Variants in ZC3H12D observed in about 807,000 individuals in gnomAD.
ZC3H12D encodes the protein zinc finger CCCH-type containing 12D.
In ZC3H12D, 11 loss-of-function variants were observed where a neutral mutation model predicts 24.2. The ratio of observed to expected loss-of-function variants is 0.46; its 90% CI spans 0.29 to 0.75. The LOEUF (loss-of-function observed/expected upper bound fraction) is 0.75, where lower values mean the gene tolerates loss of function less well. ZC3H12D is among the 30% of genes least tolerant of loss of function. The probability of loss-of-function intolerance (pLI) is 0.11; values close to 1 mark genes in which losing one functional copy is unlikely to be tolerated. For synonymous variants in ZC3H12D, 333 were observed against 341.8 expected (o/e 0.97, Z 0.28); for missense variants, 740 against 767.7 (o/e 0.96, Z 0.43).
chr6:149,482,719 C>T (rs867079088), intron 1 of ZC3H12D, among the ~76,000 whole-genome samples: 2 of 152,154 alleles, frequency 1.3e-5, no homozygotes, highest in South Asian at 2.1e-4. Context: ...AAGGAGTAGG[C>T]GGAGACGTGG....
chr6:149,461,305 C>A (rs1776068285), intron 3 of ZC3H12D, among the ~76,000 whole-genome samples: 1 of 149,662 alleles, frequency 6.7e-6, no homozygotes. Flanking sequence ...CATGCCACTG[C>A]ACTCCAGCTT....
intron 3 of ZC3H12D, chr6:149,459,556 A>G (rs1776039062): frequency 4.2e-6 from 3 of 716,962 alleles, no homozygotes; most frequent in Non-Finnish European, 5.2e-6. Context: ...GTCTTGGAGC[A>G]CTTCTGGTGG....
At chr6:149,460,851 G>T (rs1327724266) in intron 3 of ZC3H12D, among the ~76,000 whole-genome samples, 2 of 150,698 alleles carry the variant, frequency 1.3e-5, no homozygotes, top group Admixed American at 6.6e-5. Context: ...AAGAAAGAAA[G>T]AAACTAGCTG....
At chr6:149,477,436 C>T (rs771425169) in intron 1 of ZC3H12D, among the ~76,000 whole-genome samples, 1 of 152,274 alleles carries the variant, frequency 6.6e-6, no homozygotes, top group Non-Finnish European at 1.5e-5. Context: ...CTTTCACAGT[C>T]CTTGCCTTAT....
chr6:149,450,570 A>C lies in ZC3H12D; in HGVS notation c.*113T>G. 8.9e-7 allele frequency: 1 copy of C among 1,120,344 alleles called. No individual in the cohort carries two copies. Among genetic ancestry groups the C allele is most frequent in the Non-Finnish European group, 1.2e-6 (1 of 822,262 alleles). 69.4% of individuals were successfully genotyped at this position (1,120,344 alleles called of 1,614,324 possible). On this transcript the variant is annotated 3_prime_UTR_variant, in exon 6 of 6. Transcript: ENST00000409806. The stretch of plus-strand genomic sequence containing the variant: ...AGCAGGCTTCCCTGACCATCTTTAA[A>C]GAAAAGGGGGCACCATGATGGGCCC...
intron 2 of ZC3H12D, among the ~76,000 whole-genome samples, chr6:149,473,004 G>A (rs1022791704): frequency 6.6e-5 from 10 of 152,090 alleles, no homozygotes; most frequent in South Asian, 2.1e-4. Context: ...TACCTATCTG[G>A]TGCCTATACA....
At chr6:149,464,798 A>G (rs1776124999) in intron 2 of ZC3H12D, among the ~76,000 whole-genome samples, 1 of 152,228 alleles carries the variant, frequency 6.6e-6, no homozygotes, top group Non-Finnish European at 1.5e-5. Context: ...AAACACAGGC[A>G]TAACTGACAT....
intron 3 of ZC3H12D, among the ~76,000 whole-genome samples, chr6:149,459,369 G>A (rs58747890): frequency 0.21 from 32,068 of 152,188 alleles, 3,595 homozygotes; most frequent in African/African-American, 0.23. Context: ...TGAAAGGTGG[G>A]GGGAGATCTA....
chr6:149,467,134 A>G (rs1776176139), intron 2 of ZC3H12D, among the ~76,000 whole-genome samples: 2 of 152,164 alleles, frequency 1.3e-5, no homozygotes, highest in South Asian at 2.1e-4. Context: ...AGGAATGCAC[A>G]CACCAAAGGC....
chr6:149,450,768 G>A lies in ZC3H12D; in HGVS notation c.1499C>T (p.Ala500Val). 1 of 1,549,344 alleles carries A rather than the reference G, an allele frequency of 6.5e-7. No individual in the cohort carries two copies. The highest frequency in any genetic ancestry group is 2.4e-5 in the East Asian group (1 of 40,904). ...PRDQVDRVMA[A>V]FPELSDLARL... ...GGCGAGGTCTGAGAGCTCCGGGAAC[G>A]CGGCCATCACGCGGTCCACCTGGTC... Residue 500 changes from alanine to valine, a missense_variant, in exon 6 of 6, where the codon GCG (alanine) becomes GTG (valine). Coordinates refer to ENST00000409806, the MANE Select transcript of ZC3H12D (RefSeq NM_207360.3).
chr6:149,483,643 G>A (rs563093872), intron 1 of ZC3H12D, among the ~76,000 whole-genome samples: 1 of 152,142 alleles, frequency 6.6e-6, no homozygotes, highest in Non-Finnish European at 1.5e-5. Context: ...AAACTCCCGG[G>A]CTCAAGCAAT....
intron 2 of ZC3H12D, among the ~76,000 whole-genome samples, chr6:149,466,349 C>A (rs1776161209): frequency 6.6e-6 from 1 of 151,592 alleles, no homozygotes; most frequent in Non-Finnish European, 1.5e-5. Context: ...GGAGGCCCCA[C>A]CTGATGTACA....
chr6:149,450,773 C>G lies in ZC3H12D; in HGVS notation c.1494G>C (p.Met498Ile). The G allele has an allele frequency of 6.5e-7, 1 of 1,549,348 alleles. No individual in the cohort carries two copies. Among genetic ancestry groups the G allele is most frequent in the Non-Finnish European group, 8.7e-7 (1 of 1,146,720 alleles). Residue 498 changes from methionine to isoleucine, a missense_variant, in exon 6 of 6, where the codon ATG (methionine) becomes ATC (isoleucine). Coordinates refer to ENST00000409806, the MANE Select transcript of ZC3H12D (RefSeq NM_207360.3). ...VFPRDQVDRVMAAFPELSDLA... is the reference protein window; with the variant it reads ...VFPRDQVDRVIAAFPELSDLA... ...GGTCTGAGAGCTCCGGGAACGCGGC[C>G]ATCACGCGGTCCACCTGGTCACGCG...
At chr6:149,460,481 C>T (rs1026786547) in intron 3 of ZC3H12D, among the ~76,000 whole-genome samples, 1 of 152,014 alleles carries the variant, frequency 6.6e-6, no homozygotes, top group Non-Finnish European at 1.5e-5. Flanking sequence ...GGATGGCTTG[C>T]GTCCAGAAGT....
At position 149,451,275 on chromosome 6, in the gene ZC3H12D, G is replaced by A. The variant is rs1775889663; in HGVS notation, c.992C>T (p.Pro331Leu). 1.2e-5 allele frequency: 16 copies of A among 1,303,656 alleles called. No homozygotes were observed. The highest frequency in any genetic ancestry group is 1.5e-5 in the Non-Finnish European group (16 of 1,032,966). The allele number at this position is 1,303,656 out of a possible 1,614,324, so 80.8% of individuals were successfully genotyped here. ...CAGGTCCGGGGACCCCCGCGCCGGCGGGAGGCTGTGCGCAAATGGTTCCCG... is the reference window on the plus strand; with the variant it reads ...CAGGTCCGGGGACCCCCGCGCCGGCAGGAGGCTGTGCGCAAATGGTTCCCG... ...APREPFAHSLPPARGSPDLAA... is the reference protein window; with the variant it reads ...APREPFAHSLLPARGSPDLAA... Residue 331 changes from proline (P) to leucine (L), a missense_variant, in exon 6 of 6, where the codon CCG (proline) becomes CTG (leucine). Pro to Leu is a moderately conservative substitution (Grantham distance 98). Transcript: ENST00000409806.
chr6:149,458,635 T>G (rs891590469), intron 3 of ZC3H12D, among the ~76,000 whole-genome samples: 1 of 152,010 alleles, frequency 6.6e-6, no homozygotes, highest in Admixed American at 6.6e-5. Context: ...TCTCCAAGAG[T>G]GAATATGGCT....
intron 2 of ZC3H12D, among the ~76,000 whole-genome samples, chr6:149,468,641 C>G (rs1367563386): frequency 1.3e-5 from 2 of 152,168 alleles, no homozygotes; most frequent in Admixed American, 1.3e-4. Context: ...CAGGAGATCT[C>G]TCCCCAGCTC....
chr6:149,456,616 G>GGGTGACGACCC lies in ZC3H12D; in HGVS notation c.680+49_680+50insGGGTCGTCACC. 1 of 1,130,404 alleles carries GGGTGACGACCC rather than the reference G, an allele frequency of 8.8e-7. No homozygotes were observed. 70.0% of individuals were successfully genotyped at this position (1,130,404 alleles called of 1,614,324 possible). Reference sequence around the variant, plus strand: ...AGGCGTGGCCACTGCCTCGACCCCGGCCCCCCGCCCCGCCGCCCCCCAGGG... The same window carrying GGGTGACGACCC: ...AGGCGTGGCCACTGCCTCGACCCCGGGGTGACGACCCCCCCCCGCCCCGCCGCCCCCCAGGG... On this transcript the variant is annotated intron_variant, in intron 4 of 5. Coordinates refer to ENST00000409806, the MANE Select transcript of ZC3H12D (RefSeq NM_207360.3). The surrounding 1 kb of genome is among the most constrained non-coding windows in gnomAD (Gnocchi z 4.3).
At chr6:149,481,376 A>ATT (rs759834200) in intron 1 of ZC3H12D, among the ~76,000 whole-genome samples, 1,914 of 142,642 alleles carry the variant, frequency 0.013, 50 homozygotes, top group African/African-American at 0.046. Flanking sequence ...GTGGCTTAGC[A>ATT]TTTTTTTTTT....
Sources: allele counts gnomAD v4.1 joint callset (sites outside exome capture counted in the v4.1 genomes callset), GRCh38; gene constraint gnomAD v4.1.1; non-coding constraint Gnocchi (gnomAD v3.1); transcripts MANE v1.5; gene names NCBI Gene and HGNC (gene_info 2026-07-23, HGNC 2026-07-21).